The following PALM2AKAP2 variants were observed in gnomAD, a reference collection of about 807,000 sequenced individuals.
PALM2AKAP2 encodes the protein PALM2 and AKAP2 fusion.
PALM2AKAP2 carries 37 observed loss-of-function variants against 71.5 expected under a neutral mutation model. The observed-to-expected ratio is 0.52, with a 90% confidence interval of 0.40 to 0.68. The LOEUF is 0.68. PALM2AKAP2 is among the 30% of genes least tolerant of loss of function. The pLI is 0.00. For missense variants in PALM2AKAP2, 1,224 were observed against 1,191.8 expected (o/e 1.03, Z -0.40); for synonymous variants, 468 against 478.8 (o/e 0.98, Z 0.29).
intron 3 of PALM2AKAP2, among the ~76,000 whole-genome samples, chr9:109,903,608 T>C (rs1467464617): frequency 6.6e-6 from 1 of 152,188 alleles, no homozygotes; most frequent in African/African-American, 2.4e-5. Context: ...GGACATTTAA[T>C]GAACTTTCTC....
chr9:109,933,278 C>T (rs967708896), intron 6 of PALM2AKAP2, among the ~76,000 whole-genome samples: 1 of 152,212 alleles, frequency 6.6e-6, no homozygotes, highest in African/African-American at 2.4e-5. Context: ...TTAAGTACTC[C>T]AGGGTACACT....
chr9:109,899,736 G>A (rs532178169), intron 3 of PALM2AKAP2, among the ~76,000 whole-genome samples: 1 of 152,250 alleles, frequency 6.6e-6, no homozygotes, highest in African/African-American at 2.4e-5. Flanking sequence ...CTCTGTCTGT[G>A]TCCCGTTCTT....
At chr9:109,894,798 G>A (rs1830162982) in intron 3 of PALM2AKAP2, among the ~76,000 whole-genome samples, 1 of 151,914 alleles carries the variant, frequency 6.6e-6, no homozygotes, top group African/African-American at 2.4e-5. Context: ...GTTTTTTTAA[G>A]AGAGACACGG....
intron 2 of PALM2AKAP2, among the ~76,000 whole-genome samples, chr9:110,153,965 G>C (rs1836383766): frequency 6.6e-6 from 1 of 152,212 alleles, no homozygotes; most frequent in Non-Finnish European, 1.5e-5. Context: ...AAGAGTGGCT[G>C]GTGGGAAGTG....
At chr9:109,843,010 C>G (rs1656754540) in intron 1 of PALM2AKAP2, among the ~76,000 whole-genome samples, 1 of 151,786 alleles carries the variant, frequency 6.6e-6, no homozygotes, top group South Asian at 2.1e-4. Flanking sequence ...CGTGGTGGCG[C>G]ATGCTTGTAA....
intron 1 of PALM2AKAP2, among the ~76,000 whole-genome samples, chr9:109,658,915 A>G (rs755597739): frequency 2.6e-5 from 4 of 152,238 alleles, no homozygotes; most frequent in South Asian, 2.1e-4. Flanking sequence ...ATATAGCACA[A>G]ACTTGCAGGA....
upstream of PALM2AKAP2, among the ~76,000 whole-genome samples, chr9:110,045,643 C>G (rs1053977243): frequency 6.6e-6 from 1 of 152,094 alleles, no homozygotes; most frequent in Admixed American, 6.6e-5. Flanking sequence ...TCTCGGCTCA[C>G]TGCAATCTCT....
intron 1 of PALM2AKAP2, among the ~76,000 whole-genome samples, chr9:110,058,233 T>C (rs1051116732): frequency 6.6e-6 from 1 of 152,192 alleles, no homozygotes; most frequent in African/African-American, 2.4e-5. Flanking sequence ...CAGTGTGCTA[T>C]GCAAATGGGA....
At chr9:109,844,972 C>T (rs1012833887) in intron 1 of PALM2AKAP2, among the ~76,000 whole-genome samples, 4 of 130,778 alleles carry the variant, frequency 3.1e-5, no homozygotes, top group Admixed American at 7.6e-5. Flanking sequence ...TGTGCACACA[C>T]GCATGCACGC....
intron 1 of PALM2AKAP2, among the ~76,000 whole-genome samples, chr9:109,833,115 G>A (rs976431792): frequency 5.9e-5 from 9 of 152,128 alleles, no homozygotes; most frequent in Admixed American, 6.5e-5. Flanking sequence ...CCAGCACTTT[G>A]GGAGGCCGAG....
chr9:109,988,911 A>C (rs772293064), intron 6 of PALM2AKAP2, among the ~76,000 whole-genome samples: 23 of 152,096 alleles, frequency 1.5e-4, no homozygotes, highest in Non-Finnish European at 7.4e-5. Flanking sequence ...AATAAGTCTC[A>C]CAAGATCTGG....
chr9:110,163,881 C>G (rs1265041251), intron 3 of PALM2AKAP2, among the ~76,000 whole-genome samples: 2 of 152,078 alleles, frequency 1.3e-5, no homozygotes, highest in Non-Finnish European at 2.9e-5. Flanking sequence ...ATGGAAGAAC[C>G]TGTCTCTATA....
At chr9:109,817,458 T>C (rs1183183183) in intron 1 of PALM2AKAP2, among the ~76,000 whole-genome samples, 1 of 152,244 alleles carries the variant, frequency 6.6e-6, no homozygotes, top group Non-Finnish European at 1.5e-5. Flanking sequence ...TTCAGATGTC[T>C]TCATAGCTCT....
At chr9:110,030,710 G>C (rs1379248209) in intron 7 of PALM2AKAP2, among the ~76,000 whole-genome samples, 1 of 152,084 alleles carries the variant, frequency 6.6e-6, no homozygotes, top group African/African-American at 2.4e-5. Context: ...ATTCTCTAGT[G>C]GCCTGCCCCC....
intron 6 of PALM2AKAP2, among the ~76,000 whole-genome samples, chr9:110,006,327 T>TTTCTTTCC (rs1435203363): frequency 9.1e-6 from 1 of 109,476 alleles, no homozygotes; most frequent in East Asian, 2.6e-4. Flanking sequence ...CTTCCTTCTC[T>TTTCTTTCC]TTCTTTCTTT....
chr9:109,940,536 G>A (rs1831335426), intron 6 of PALM2AKAP2, among the ~76,000 whole-genome samples: 3 of 152,146 alleles, frequency 2.0e-5, no homozygotes, highest in Non-Finnish European at 4.4e-5. Context: ...AAATGGAAAA[G>A]GAGCACTAGA....
intron 1 of PALM2AKAP2, among the ~76,000 whole-genome samples, chr9:109,761,377 C>CT (rs5899869): frequency 0.16 from 25,059 of 151,950 alleles, 2,425 homozygotes; most frequent in Middle Eastern, 0.32. Context: ...TTCAATTTTA[C>CT]TTTAAGTTTC....
intron 1 of PALM2AKAP2, among the ~76,000 whole-genome samples, chr9:109,745,083 T>G (rs1222541411): frequency 1.3e-5 from 2 of 152,164 alleles, no homozygotes; most frequent in Admixed American, 1.3e-4. Context: ...AACACAGCCT[T>G]CCTTTTTGCT....
At chr9:110,104,464 A>G (rs1442971471) in intron 1 of PALM2AKAP2, among the ~76,000 whole-genome samples, 1 of 152,140 alleles carries the variant, frequency 6.6e-6, no homozygotes, top group Non-Finnish European at 1.5e-5. Flanking sequence ...GACTTGAAAA[A>G]TAAGCATTAG....
Sources: gnomAD v4.1 joint callset for allele counts (sites outside exome capture counted in the v4.1 genomes callset) on GRCh38, gnomAD v4.1.1 for gene constraint, MANE v1.5 for transcripts, NCBI Gene and HGNC (gene_info 2026-07-23, HGNC 2026-07-21) for gene names.